Variants in KLRG1 observed in about 807,000 individuals in gnomAD.
KLRG1 encodes killer cell lectin-like receptor subfamily G member 1.
KLRG1 carries 16 observed loss-of-function variants against 21.8 expected under a neutral mutation model. The ratio of observed to expected loss-of-function variants is 0.73; its 90% CI spans 0.50 to 1.11. The LOEUF (loss-of-function observed/expected upper bound fraction) is 1.11. Among genes scored for constraint, KLRG1 ranks in the 50% most tolerant of loss-of-function variants. KLRG1 has a pLI of 0.00. For missense variants in KLRG1, 173 were observed against 218.3 expected (o/e 0.79, Z 1.31); for synonymous variants, 69 against 75.9 (o/e 0.91, Z 0.47).
chr12:9,200,514 A>T, the KLRG1 span: 2 of 1,268,804 alleles, frequency 1.6e-6, no homozygotes, highest in Admixed American at 1.9e-5. Flanking sequence ...AAATAATTTC[A>T]GTATGTCTAT....
the KLRG1 span, chr12:9,162,392 G>A: frequency 1.6e-3 from 875 of 555,110 alleles, 15 homozygotes; most frequent in South Asian, 0.019. Context: ...TATTAGTCCT[G>A]TCTGTACCAC....
At chr12:9,211,961 T>A in the KLRG1 span, among the ~76,000 whole-genome samples, 1 of 152,134 alleles carries the variant, frequency 6.6e-6, no homozygotes, top group Non-Finnish European at 1.5e-5. Flanking sequence ...GGTCAGTAGG[T>A]CTGGCACTGG....
At chr12:8,986,752 A>G (rs1447817816), upstream of KLRG1, among the ~76,000 whole-genome samples, 4 of 152,078 alleles carry the variant, frequency 2.6e-5, no homozygotes, top group East Asian at 7.7e-4. Flanking sequence ...TCTGACGTTG[A>G]ATTGTAATCT....
At chr12:8,957,431 C>T (rs921291903) in intron 1 of KLRG1, among the ~76,000 whole-genome samples, 1 of 152,220 alleles carries the variant, frequency 6.6e-6, no homozygotes, top group Non-Finnish European at 1.5e-5. Context: ...ACATTCTTTT[C>T]CCTTCTTCAC....
At chr12:9,004,066 G>A (rs2137408838) in intron 3 of KLRG1, among the ~76,000 whole-genome samples, 1 of 151,994 alleles carries the variant, frequency 6.6e-6, no homozygotes, top group South Asian at 2.1e-4. Context: ...GTATTCCATG[G>A]TGTATATGTG....
the KLRG1 span, among the ~76,000 whole-genome samples, chr12:9,075,582 A>C: frequency 6.9e-6 from 1 of 145,236 alleles, no homozygotes; most frequent in East Asian, 1.9e-4. Context: ...CATAGTGTTG[A>C]ACTTAGAAAA....
At chr12:9,174,803 T>C in the KLRG1 span, among the ~76,000 whole-genome samples, 9 of 152,110 alleles carry the variant, frequency 5.9e-5, no homozygotes, top group South Asian at 8.3e-4. Flanking sequence ...TGCTCAAGGA[T>C]ATCATAGAGG....
At chr12:9,168,789 T>C in the KLRG1 span, 1 of 1,063,022 alleles carries the variant, frequency 9.4e-7, no homozygotes, top group Non-Finnish European at 1.4e-6. Flanking sequence ...GAAATAGGGC[T>C]ACATTACCTC....
chr12:9,161,731 T>G, the KLRG1 span, among the ~76,000 whole-genome samples: 1 of 152,246 alleles, frequency 6.6e-6, no homozygotes, highest in East Asian at 1.9e-4. Flanking sequence ...AATACAGTGC[T>G]GTATACACTG....
At chr12:8,997,187 A>G (rs905823110) in intron 3 of KLRG1, among the ~76,000 whole-genome samples, 17 of 152,054 alleles carry the variant, frequency 1.1e-4, no homozygotes, top group African/African-American at 4.1e-4. Context: ...GCATTTCCAA[A>G]TTGAGTTTAT....
the KLRG1 span, among the ~76,000 whole-genome samples, chr12:9,083,431 T>C: frequency 6.6e-6 from 1 of 151,504 alleles, no homozygotes; most frequent in South Asian, 2.1e-4. Flanking sequence ...TTAGCTAATA[T>C]TGTAAAATAA....
At chr12:9,160,281 G>A in the KLRG1 span, 42 of 1,570,798 alleles carry the variant, frequency 2.7e-5, no homozygotes, top group Admixed American at 7.9e-4. Context: ...TTTCATTAGA[G>A]TAACAAAGTA....
the KLRG1 span, among the ~76,000 whole-genome samples, chr12:9,057,051 T>G: frequency 6.6e-6 from 1 of 152,242 alleles, no homozygotes; most frequent in Non-Finnish European, 1.5e-5. Flanking sequence ...TTTGCACGAC[T>G]GATAGGCTTA....
the KLRG1 span, chr12:9,181,984 T>C: frequency 6.2e-7 from 1 of 1,613,806 alleles, no homozygotes; most frequent in Non-Finnish European, 8.5e-7. Flanking sequence ...CCTTGTTGGC[T>C]AGACAGTTTT....
the KLRG1 span, among the ~76,000 whole-genome samples, chr12:9,176,365 T>A: frequency 2.0e-5 from 3 of 152,154 alleles, no homozygotes; most frequent in Non-Finnish European, 2.9e-5. Context: ...AATACCTAGG[T>A]GATGGGTTGA....
chr12:9,046,276 T>TATA, the KLRG1 span, among the ~76,000 whole-genome samples: 1 of 152,080 alleles, frequency 6.6e-6, no homozygotes. Flanking sequence ...TTATGAAAAG[T>TATA]ATAATATACA....
the KLRG1 span, chr12:9,027,576 T>C: frequency 3.2e-6 from 3 of 935,188 alleles, no homozygotes; most frequent in Non-Finnish European, 5.2e-6. Context: ...AGAACCACCA[T>C]AGGCACCTTG....
At position 8,989,686 on chromosome 12, in the gene KLRG1, A is replaced by C; in HGVS notation, c.51A>C (p.Gln17His). ...TGTTAGAGTTGCCTACGGCAACCCA[A>C]GCCCAGAATGACTATGGACCACAGC... ...YSMLELPTAT[Q>H]AQNDYGPQQK... Residue 17 changes from glutamine to histidine, a missense_variant, in exon 1 of 5, where the codon CAA (glutamine) becomes CAC (histidine). Around this residue, in one of 3 missense-constraint regions of KLRG1, gnomAD observed 144 missense variants for 161.5 expected, o/e 0.89. Transcript: ENST00000356986. The C allele has an allele frequency of 6.2e-7, 1 of 1,611,048 alleles. No homozygotes were observed. The highest frequency in any genetic ancestry group is 1.3e-5 in the African/African-American group (1 of 74,946).
chr12:8,974,016 A>G (rs1433044929), intron 1 of KLRG1, among the ~76,000 whole-genome samples: 1 of 151,796 alleles, frequency 6.6e-6, no homozygotes, highest in Non-Finnish European at 1.5e-5. Context: ...CTTTCTTTTT[A>G]ATTTGGATGC....
Sources: gnomAD v4.1 joint callset for allele counts (sites outside exome capture counted in the v4.1 genomes callset) on GRCh38, gnomAD v4.1.1 for gene constraint, gnomAD v4.1.1 regional missense constraint, MANE v1.5 for transcripts, NCBI Gene and HGNC (gene_info 2026-07-23, HGNC 2026-07-21) for gene names.